SGCZ: variants seen among roughly 807,000 people sequenced by gnomAD.
SGCZ encodes sarcoglycan zeta.
In SGCZ, 40 loss-of-function variants were observed where a neutral mutation model predicts 41.3. The observed-to-expected ratio is 0.97, with a 90% confidence interval of 0.75 to 1.26. SGCZ has a LOEUF of 1.26. SGCZ is among the 50% of genes most tolerant of loss of function. SGCZ has a pLI of 0.00. For missense variants in SGCZ, 552 were observed against 369.8 expected, an observed-to-expected ratio of 1.49 and a Z score of -4.04; for synonymous variants, 206 against 137.5, an observed-to-expected ratio of 1.50 and a Z score of -3.49.
chr8:14,938,274 T>A (rs1332111505), intron 1 of SGCZ, among the ~76,000 whole-genome samples: 1 of 152,106 alleles, frequency 6.6e-6, no homozygotes, highest in Admixed American at 6.6e-5. Context: ...AAAATAAATA[T>A]GCAGTTGGCC....
At chr8:14,464,442 G>A (rs1211656537) in intron 2 of SGCZ, among the ~76,000 whole-genome samples, 1 of 148,396 alleles carries the variant, frequency 6.7e-6, no homozygotes, top group Non-Finnish European at 1.5e-5. Flanking sequence ...AGAATGGGTA[G>A]TACTGTCTCC....
chr8:15,161,106 G>A (rs552734639), intron 1 of SGCZ, among the ~76,000 whole-genome samples: 57 of 152,070 alleles, frequency 3.7e-4, no homozygotes, highest in African/African-American at 1.3e-3. Context: ...AGGTGATCTG[G>A]TTCCCTGCTC....
At chr8:14,819,484 GA>G (rs1302459057) in intron 1 of SGCZ, among the ~76,000 whole-genome samples, 1 of 152,076 alleles carries the variant, frequency 6.6e-6, no homozygotes, top group Non-Finnish European at 1.5e-5. Context: ...GAACACTCAA[GA>G]AAGTGCTACA....
intron 1 of SGCZ, among the ~76,000 whole-genome samples, chr8:14,708,045 A>G (rs1446665538): frequency 6.6e-6 from 1 of 152,138 alleles, no homozygotes; most frequent in Admixed American, 6.5e-5. Flanking sequence ...TTGTTATATT[A>G]TCAAAACCCA....
chr8:14,564,609 G>C (rs73533185), intron 1 of SGCZ, among the ~76,000 whole-genome samples: 1 of 152,054 alleles, frequency 6.6e-6, no homozygotes, highest in Non-Finnish European at 1.5e-5. Context: ...AAAATGTATC[G>C]TCTACCCCTT....
intron 1 of SGCZ, among the ~76,000 whole-genome samples, chr8:15,106,546 T>C (rs868820804): frequency 6.6e-6 from 1 of 151,568 alleles, no homozygotes; most frequent in Non-Finnish European, 1.5e-5. Context: ...TCCATTATAC[T>C]TTACATCCTT....
At chr8:14,838,653 C>T (rs1802788857) in intron 1 of SGCZ, among the ~76,000 whole-genome samples, 1 of 152,166 alleles carries the variant, frequency 6.6e-6, no homozygotes, top group South Asian at 2.1e-4. Flanking sequence ...GCTACTTTTG[C>T]CTTCCTTTTC....
chr8:14,806,511 C>A (rs561435860), intron 1 of SGCZ, among the ~76,000 whole-genome samples: 4 of 152,286 alleles, frequency 2.6e-5, no homozygotes, highest in South Asian at 2.1e-4. Flanking sequence ...GACACATACA[C>A]TTTCCCAAGA....
At chr8:14,993,756 G>T (rs1272469941) in intron 1 of SGCZ, among the ~76,000 whole-genome samples, 1 of 152,156 alleles carries the variant, frequency 6.6e-6, no homozygotes, top group Non-Finnish European at 1.5e-5. Context: ...GCATGAATAG[G>T]CAGAAGAATA....
At chr8:14,445,581 A>T (rs534339320) in intron 2 of SGCZ, among the ~76,000 whole-genome samples, 1 of 152,064 alleles carries the variant, frequency 6.6e-6, no homozygotes, top group Non-Finnish European at 1.5e-5. Context: ...AACCATTTCC[A>T]CCACTCAACA....
chr8:14,514,470 C>A (rs1269260429), intron 2 of SGCZ, among the ~76,000 whole-genome samples: 4 of 151,724 alleles, frequency 2.6e-5, no homozygotes, highest in African/African-American at 9.7e-5. Flanking sequence ...AATATGTATA[C>A]ATTAAGGAAT....
intron 3 of SGCZ, among the ~76,000 whole-genome samples, chr8:14,286,872 A>G (rs1013074823): frequency 1.3e-5 from 2 of 152,056 alleles, no homozygotes; most frequent in Admixed American, 6.6e-5. Context: ...GAGTGCTGGT[A>G]TTATCACAAT....
chr8:14,194,500 A>G (rs1805204106), intron 4 of SGCZ, among the ~76,000 whole-genome samples: 1 of 151,912 alleles, frequency 6.6e-6, no homozygotes, highest in Non-Finnish European at 1.5e-5. Context: ...TTGAGTATTC[A>G]TTTATGTTTG....
chr8:14,381,386 G>T (rs542114470), intron 2 of SGCZ, among the ~76,000 whole-genome samples: 2 of 152,214 alleles, frequency 1.3e-5, no homozygotes, highest in African/African-American at 2.4e-5. Flanking sequence ...TAATAATGGG[G>T]TGTCATAAAA....
At chr8:14,109,636 G>A (rs1019136948) in intron 5 of SGCZ, among the ~76,000 whole-genome samples, 3 of 151,954 alleles carry the variant, frequency 2.0e-5, no homozygotes, top group Non-Finnish European at 4.4e-5. Flanking sequence ...TAATTCAAGA[G>A]GCAATGATGA....
intron 2 of SGCZ, among the ~76,000 whole-genome samples, chr8:14,375,014 T>C (rs745876456): frequency 4.6e-5 from 7 of 152,122 alleles, no homozygotes; most frequent in Non-Finnish European, 7.4e-5. Flanking sequence ...GGTATGACTA[T>C]GTGGATGAAG....
chr8:14,282,036 T>C (rs1186361448), intron 3 of SGCZ, among the ~76,000 whole-genome samples: 3 of 152,132 alleles, frequency 2.0e-5, no homozygotes, highest in Non-Finnish European at 2.9e-5. Flanking sequence ...TCAAACCATA[T>C]TGGCTCTAGT....
intron 1 of SGCZ, among the ~76,000 whole-genome samples, chr8:15,038,343 C>T (rs1803943686): frequency 6.6e-6 from 1 of 151,918 alleles, no homozygotes; most frequent in Non-Finnish European, 1.5e-5. Context: ...TTTGCAAGAA[C>T]ACAAAATGAG....
At chr8:14,534,640 A>G (rs1803240293) in intron 2 of SGCZ, among the ~76,000 whole-genome samples, 1 of 151,648 alleles carries the variant, frequency 6.6e-6, no homozygotes, top group South Asian at 2.1e-4. Context: ...GGGAGGAGGA[A>G]CCTTAATCAA....
Sources: allele counts gnomAD v4.1 joint callset (sites outside exome capture counted in the v4.1 genomes callset), GRCh38; gene constraint gnomAD v4.1.1; transcripts MANE v1.5; gene names NCBI Gene and HGNC (gene_info 2026-07-23, HGNC 2026-07-21).